The following RAB17 variants were observed in gnomAD, a reference collection of about 807,000 sequenced individuals.
The protein encoded by RAB17 is ras-related protein Rab-17.
In RAB17, 15 loss-of-function variants were observed where a neutral mutation model predicts 19.3. The ratio of observed to expected loss-of-function variants is 0.78; its 90% CI spans 0.52 to 1.20. The LOEUF is 1.20. RAB17 is among the 50% of genes most tolerant of loss of function. RAB17 has a pLI of 0.00. For synonymous variants in RAB17, 110 were observed against 112.8 expected, an observed-to-expected ratio of 0.97 and a Z score of 0.16; for missense variants, 262 against 269.3, an observed-to-expected ratio of 0.97 and a Z score of 0.19.
At chr2:237,576,642 G>A (rs868441047) in intron 4 of RAB17, 6 of 471,108 alleles carry the variant, frequency 1.3e-5, no homozygotes, top group African/African-American at 8.0e-5. Context: ...AGTGTGTGTG[G>A]GGTCTCCCCA....
Position 237,578,629 on chromosome 2 carries a change from T to TG in RAB17, c.158-475dup, listed in dbSNP as rs567979045. On this transcript the variant is annotated intron_variant, in intron 2 of 5. Transcript: ENST00000264601. ...CTCCTCCAAGGCCTTCCTCGCCTCC[T>TG]GCTAACCTCCCCACTTTCCCAATGC... The TG allele has an allele frequency of 8.6e-4, 134 of 156,402 alleles. 1 individual carries two copies. In the South Asian group the frequency reaches 0.025, roughly 30 times the overall value. The allele number at this position is 156,402 out of a possible 1,614,324, so 9.7% of individuals were successfully genotyped here.
chr2:237,582,360 C>T (rs2325810), intron 2 of RAB17, among the ~76,000 whole-genome samples: 15,168 of 152,296 alleles, frequency 0.1, 814 homozygotes, highest in Middle Eastern at 0.13. Flanking sequence ...GCTGACCCCT[C>T]GGACAGGGCC....
At chr2:237,583,052 A>T (rs912927459) in intron 2 of RAB17, among the ~76,000 whole-genome samples, 1 of 152,138 alleles carries the variant, frequency 6.6e-6, no homozygotes, top group Non-Finnish European at 1.5e-5. Flanking sequence ...CAATGAGCCA[A>T]GGTTGCACCA....
intron 2 of RAB17, 85 bp from the exon 3 acceptor site, chr2:237,578,240 C>T: frequency 1.5e-6 from 2 of 1,377,492 alleles, no homozygotes; most frequent in Non-Finnish European, 2.0e-6. Flanking sequence ...GCCGCAGGCA[C>T]AGCAATGGGC....
intron 4 of RAB17, among the ~76,000 whole-genome samples, chr2:237,576,252 T>C (rs2149181157): frequency 6.6e-6 from 1 of 152,192 alleles, no homozygotes. Flanking sequence ...CGGCCGGCCC[T>C]GCATTTGTCC....
intron 1 of RAB17, among the ~76,000 whole-genome samples, chr2:237,588,923 G>A (rs1257529100): frequency 1.3e-5 from 2 of 152,210 alleles, no homozygotes; most frequent in Admixed American, 6.5e-5. Flanking sequence ...TTTGTTTAAT[G>A]AAGTTATTTT....
chr2:237,577,236 G>A lies in RAB17; in HGVS notation c.435+21C>T, dbSNP rs778027368. 1.9e-6 allele frequency: 3 copies of A among 1,605,022 alleles called. No individual in the cohort carries two copies. In the East Asian group the frequency reaches 6.7e-5, roughly 36 times the overall value. On this transcript the variant is annotated intron_variant, in intron 4 of 5. Coordinates refer to ENST00000264601, the MANE Select transcript of RAB17 (RefSeq NM_022449.4). ...CTCTCTCCTGCTGTGGAAGAGCAGA[G>A]CAGGGTCTCCTGGGCGGTACCTGGA...
chr2:237,575,325 C>T (rs1011906748), intron 5 of RAB17, 62 bp downstream of exon 5: 13 of 1,357,826 alleles, frequency 9.6e-6, no homozygotes, highest in Non-Finnish European at 1.4e-5. Flanking sequence ...CAACAGGGAC[C>T]CAGGGAAGTT....
intron 3 of RAB17, 92 bp from the exon 4 acceptor site, chr2:237,577,474 T>C: frequency 3.5e-6 from 5 of 1,412,822 alleles, no homozygotes; most frequent in Non-Finnish European, 4.8e-6. Flanking sequence ...CTGATCACGT[T>C]GTGTAAAATG....
At chr2:237,585,848 C>A (rs182481000) in intron 2 of RAB17, 150 bp downstream of exon 2, 3 of 747,482 alleles carry the variant, frequency 4.0e-6, no homozygotes, top group Admixed American at 3.5e-5. Flanking sequence ...TTGGACCTCA[C>A]CCCCTCCCCT....
rs1001764844 is a variant in RAB17 at position 237,577,245 on chromosome 2, C to T, written c.435+12G>A. 6.2e-7 allele frequency: 1 copy of T among 1,609,944 alleles called. No homozygotes were observed. The highest frequency in any genetic ancestry group is 8.5e-7 in the Non-Finnish European group (1 of 1,178,210). On this transcript the variant is annotated intron_variant, in intron 4 of 5. Coordinates refer to ENST00000264601, the MANE Select transcript of RAB17 (RefSeq NM_022449.4). ...GCTGTGGAAGAGCAGAGCAGGGTCT[C>T]CTGGGCGGTACCTGGAAGGTCACCT...
intron 2 of RAB17, among the ~76,000 whole-genome samples, chr2:237,581,319 A>T (rs2081306920): frequency 1.3e-5 from 2 of 151,692 alleles, no homozygotes. Flanking sequence ...GGCTACAGTG[A>T]GCTGTGATCA....
chr2:237,583,986 C>G (rs2081328721), intron 2 of RAB17, among the ~76,000 whole-genome samples: 1 of 151,590 alleles, frequency 6.6e-6, no homozygotes, highest in South Asian at 2.1e-4. Flanking sequence ...TGTTCACCCC[C>G]CGACCCTGGT....
At chr2:237,578,192 C>T (rs780151953) in intron 2 of RAB17, 37 bp from the exon 3 acceptor site, 22 of 1,576,014 alleles carry the variant, frequency 1.4e-5, no homozygotes, top group Non-Finnish European at 9.5e-6. Context: ...ACTCAGAGGA[C>T]GAGGTTGCCA....
intron 4 of RAB17, 124 bp from the exon 5 acceptor site, chr2:237,575,604 C>A (rs553213262): frequency 4.2e-6 from 3 of 707,864 alleles, no homozygotes; most frequent in Non-Finnish European, 7.2e-6. Flanking sequence ...CTCCACGTTT[C>A]GTGTCCAAGT....
At chr2:237,589,917 G>A (rs902536965) in intron 1 of RAB17, among the ~76,000 whole-genome samples, 5 of 152,110 alleles carry the variant, frequency 3.3e-5, no homozygotes, top group Non-Finnish European at 7.4e-5. Flanking sequence ...TGAGTCTATC[G>A]GCAACTGTGA....
At chr2:237,584,822 A>C (rs1032333010) in intron 2 of RAB17, among the ~76,000 whole-genome samples, 3 of 152,210 alleles carry the variant, frequency 2.0e-5, no homozygotes, top group Admixed American at 1.3e-4. Context: ...AGCCAAGTCC[A>C]ATATCAGGAC....
At chr2:237,577,184 C>A (rs1198260102) in intron 4 of RAB17, 73 bp downstream of exon 4, 1 of 1,537,916 alleles carries the variant, frequency 6.5e-7, no homozygotes, top group African/African-American at 1.4e-5. Flanking sequence ...AGTGTGAGTG[C>A]CAAGGTCTTG....
intron 1 of RAB17, among the ~76,000 whole-genome samples, chr2:237,586,411 G>A (rs554051571): frequency 9.2e-5 from 14 of 152,246 alleles, no homozygotes; most frequent in Admixed American, 3.9e-4. Flanking sequence ...CTCCGGGCAC[G>A]GGTCATTGCA....
Sources: gnomAD v4.1 joint callset for allele counts (sites outside exome capture counted in the v4.1 genomes callset) on GRCh38, gnomAD v4.1.1 for gene constraint, MANE v1.5 for transcripts, NCBI Gene and HGNC (gene_info 2026-07-23, HGNC 2026-07-21) for gene names.